ITFG1: variants seen among roughly 807,000 people sequenced by gnomAD.
ITFG1 encodes the protein integrin alpha FG-GAP repeat containing 1.
Under a neutral mutation model 81.8 loss-of-function variants are expected in ITFG1, and 34 were observed. The observed-to-expected ratio is 0.42, with a 90% confidence interval of 0.32 to 0.55. The LOEUF (loss-of-function observed/expected upper bound fraction) is 0.55, where lower values mean the gene tolerates loss of function less well. Ranked by LOEUF, ITFG1 falls within the 20% of genes least tolerant of loss-of-function variation. ITFG1 has a pLI of 0.17. For synonymous variants in ITFG1, 285 were observed against 270.6 expected, an observed-to-expected ratio of 1.05 and a Z score of -0.52; for missense variants, 672 against 755.4, an observed-to-expected ratio of 0.89 and a Z score of 1.29.
chr16:47,219,017 T>C, intron 13 of ITFG1, 71 bp from the exon 14 acceptor site: 3 of 1,052,584 alleles, frequency 2.9e-6, no homozygotes, highest in South Asian at 1.8e-5. Flanking sequence ...GGCAAATCTC[T>C]TTCAAAGCAA....
intron 6 of ITFG1, among the ~76,000 whole-genome samples, chr16:47,410,989 C>G (rs1380573475): frequency 6.6e-6 from 1 of 152,170 alleles, no homozygotes; most frequent in Non-Finnish European, 1.5e-5. Context: ...CCTGGCAGCT[C>G]CCACCAGAGC....
intron 6 of ITFG1, among the ~76,000 whole-genome samples, chr16:47,398,760 C>T (rs1426028223): frequency 2.0e-5 from 3 of 152,334 alleles, no homozygotes; most frequent in Admixed American, 1.3e-4. Flanking sequence ...CAAAAAGTCA[C>T]TTATTCCTTC....
At chr16:47,260,488 G>A in intron 11 of ITFG1, 57 bp downstream of exon 11, 2 of 1,566,200 alleles carry the variant, frequency 1.3e-6, no homozygotes, top group South Asian at 2.3e-5. Context: ...TGAAGCTAAA[G>A]TGTGACAAGG....
chr16:47,412,309 A>G (rs1968821240), intron 6 of ITFG1, among the ~76,000 whole-genome samples: 1 of 152,078 alleles, frequency 6.6e-6, no homozygotes, highest in Admixed American at 6.6e-5. Flanking sequence ...TGGATGGCCA[A>G]AAAAAATGAG....
At chr16:47,186,173 C>T (rs992147540) in intron 14 of ITFG1, among the ~76,000 whole-genome samples, 1 of 152,116 alleles carries the variant, frequency 6.6e-6, no homozygotes, top group African/African-American at 2.4e-5. Flanking sequence ...CCGAATTCTA[C>T]CAGAGGTACA....
chr16:47,170,397 G>C (rs1567412647), intron 14 of ITFG1, among the ~76,000 whole-genome samples: 1 of 151,510 alleles, frequency 6.6e-6, no homozygotes, highest in Non-Finnish European at 1.5e-5. Context: ...TTTCCTCTTG[G>C]GTCAGTTTTG....
At chr16:47,423,783 C>G (rs1363711504) in intron 6 of ITFG1, among the ~76,000 whole-genome samples, 2 of 152,246 alleles carry the variant, frequency 1.3e-5, no homozygotes, top group African/African-American at 4.8e-5. Flanking sequence ...TGTAGGTTTT[C>G]TGCTGAGAGA....
intron 8 of ITFG1, among the ~76,000 whole-genome samples, chr16:47,351,843 T>C (rs1967961773): frequency 6.6e-6 from 1 of 152,108 alleles, no homozygotes; most frequent in South Asian, 2.1e-4. Context: ...ACAACAGCCA[T>C]GTACTGGTAC....
At position 47,459,149 on chromosome 16, in the gene ITFG1, C is replaced by A; in HGVS notation, c.235G>T (p.Asp79Tyr). 6.2e-7 allele frequency: 1 copy of A among 1,601,110 alleles called. No individual in the cohort carries two copies. Among genetic ancestry groups the A allele is most frequent in the Non-Finnish European group, 8.6e-7 (1 of 1,168,560 alleles). The change falls in exon 2 of 18, where the codon GAC becomes TAC. Residue 79 changes from aspartate to tyrosine, a missense_variant. Physicochemically the swap from Asp to Tyr is radical, Grantham distance 160. Coordinates refer to ENST00000320640, the MANE Select transcript of ITFG1 (RefSeq NM_030790.5). Reference protein sequence around the residue: ...ERNDLIVFLADQNAPYFKPKV... With the variant: ...ERNDLIVFLAYQNAPYFKPKV... ...GGTTTAAAATAGGGTGCATTCTGGT[C>A]TGCCAAAAAGACGATTAAGTCATTT...
At chr16:47,247,113 C>T (rs1425721460) in intron 12 of ITFG1, among the ~76,000 whole-genome samples, 1 of 152,074 alleles carries the variant, frequency 6.6e-6, no homozygotes, top group African/African-American at 2.4e-5. Flanking sequence ...AAAGAGGACA[C>T]CCACCCTCAT....
chr16:47,392,334 T>C (rs1464667097), intron 6 of ITFG1, among the ~76,000 whole-genome samples: 2 of 152,092 alleles, frequency 1.3e-5, no homozygotes, highest in African/African-American at 4.8e-5. Flanking sequence ...GCCCTGTGGA[T>C]ATCTGGGGGA....
intron 14 of ITFG1, among the ~76,000 whole-genome samples, chr16:47,179,134 G>T (rs1358255826): frequency 6.6e-6 from 1 of 152,204 alleles, no homozygotes; most frequent in Non-Finnish European, 1.5e-5. Context: ...TGGTGGGACT[G>T]TAAACTAGTT....
At chr16:47,306,811 G>A (rs185602353) in intron 10 of ITFG1, among the ~76,000 whole-genome samples, 10 of 151,908 alleles carry the variant, frequency 6.6e-5, no homozygotes, top group African/African-American at 2.4e-4. Context: ...AACGGAGAAA[G>A]AGGCCGGGCG....
At chr16:47,348,420 C>T (rs967314201) in intron 8 of ITFG1, among the ~76,000 whole-genome samples, 1 of 152,104 alleles carries the variant, frequency 6.6e-6, no homozygotes, top group Admixed American at 6.6e-5. Context: ...AATGCATAAG[C>T]TTCAATAGCT....
At chr16:47,381,067 A>T (rs550536424) in intron 6 of ITFG1, among the ~76,000 whole-genome samples, 404 of 152,384 alleles carry the variant, frequency 2.7e-3, no homozygotes, top group Non-Finnish European at 3.6e-3. Flanking sequence ...GCTTGAAAGG[A>T]GTAAGCTACT....
At chr16:47,300,779 C>T (rs139652645) in intron 10 of ITFG1, among the ~76,000 whole-genome samples, 53 of 152,250 alleles carry the variant, frequency 3.5e-4, no homozygotes, top group African/African-American at 1.2e-3. Flanking sequence ...GTGCTGGTAG[C>T]GAGTACCGAA....
Position 47,460,917 on chromosome 16 carries a change from C to G in ITFG1, c.129G>C (p.Gly43=). 6.2e-7 allele frequency: 1 copy of G among 1,613,188 alleles called. No homozygotes were observed. The highest frequency in any genetic ancestry group is 8.5e-7 in the Non-Finnish European group (1 of 1,179,916). Residue 43 remains glycine, a synonymous_variant, in exon 1 of 18, where the codon GGG becomes GGC. Transcript: ENST00000320640. ...ALHNVTAELF[G]AEAWGTLAAF... is the part of the protein sequence containing the mutation. Reference sequence around the variant, plus strand: ...CCGCAAGGGTGCCCCAGGCCTCGGCCCCAAAGAGCTCGGCCGTGACGTTGT... The same window carrying G: ...CCGCAAGGGTGCCCCAGGCCTCGGCGCCAAAGAGCTCGGCCGTGACGTTGT...
intron 8 of ITFG1, among the ~76,000 whole-genome samples, chr16:47,321,296 T>G (rs889977432): frequency 6.6e-6 from 1 of 152,136 alleles, no homozygotes; most frequent in African/African-American, 2.4e-5. Context: ...AAATGGACTC[T>G]GAATATAGAC....
At chr16:47,371,789 A>G (rs1395930659) in intron 7 of ITFG1, among the ~76,000 whole-genome samples, 1 of 152,152 alleles carries the variant, frequency 6.6e-6, no homozygotes, top group Admixed American at 6.5e-5. Flanking sequence ...GGACACTGCT[A>G]AACAATCGAC....
Sources: allele counts gnomAD v4.1 joint callset (sites outside exome capture counted in the v4.1 genomes callset), GRCh38; gene constraint gnomAD v4.1.1; transcripts MANE v1.5; gene names NCBI Gene and HGNC (gene_info 2026-07-23, HGNC 2026-07-21).